Variants in ANKRD44 observed in about 807,000 individuals in gnomAD.
The protein encoded by ANKRD44 is ankyrin repeat domain 44.
ANKRD44 carries 35 observed loss-of-function variants against 116.0 expected under a neutral mutation model. The observed-to-expected ratio is 0.30, with a 90% CI of 0.23 to 0.40. ANKRD44 has a LOEUF of 0.40. Ranked by LOEUF, ANKRD44 falls within the 10% of genes least tolerant of loss-of-function variation. The pLI, the probability that ANKRD44 is intolerant of heterozygous loss-of-function variation, is 1.00. For synonymous variants in ANKRD44, 435 were observed against 461.8 expected (o/e 0.94, Z 0.74); for missense variants, 1,014 against 1,242.6 (o/e 0.82, Z 2.77).
chr2:197,308,483 C>G (rs535019201), intron 1 of ANKRD44, among the ~76,000 whole-genome samples: 1 of 152,082 alleles, frequency 6.6e-6, no homozygotes, highest in East Asian at 1.9e-4. Context: ...TGTTCACCAC[C>G]CCACCCCACC....
intron 12 of ANKRD44, 82 bp from the exon 13 acceptor site, chr2:197,086,830 T>C (rs558358181): frequency 2.3e-6 from 3 of 1,285,528 alleles, no homozygotes; most frequent in South Asian, 1.3e-5. Flanking sequence ...TTCTGCAGAG[T>C]ACAGGACCAG....
intron 1 of ANKRD44, among the ~76,000 whole-genome samples, chr2:197,256,261 A>C (rs188514699): frequency 1.3e-5 from 2 of 152,336 alleles, no homozygotes; most frequent in Admixed American, 1.3e-4. Flanking sequence ...TTTCTAAATC[A>C]CTAGGTGTCT....
chr2:197,310,186 C>T (rs927642220), intron 1 of ANKRD44, among the ~76,000 whole-genome samples: 1 of 152,132 alleles, frequency 6.6e-6, no homozygotes, highest in Non-Finnish European at 1.5e-5. Context: ...TCCTTTCTCC[C>T]TCTTCGTGCA....
intron 1 of ANKRD44, among the ~76,000 whole-genome samples, chr2:197,305,460 T>C (rs2084040507): frequency 6.6e-6 from 1 of 152,246 alleles, no homozygotes; most frequent in Non-Finnish European, 1.5e-5. Flanking sequence ...TACTTTAGCC[T>C]ATAAAAATTC....
Position 197,310,660 on chromosome 2 carries a change from C to A in ANKRD44, c.-56G>T. The A allele has an allele frequency of 1.5e-6, 2 of 1,320,242 alleles. 1 individual carries two copies. The highest frequency in any genetic ancestry group is 3.0e-5 in the South Asian group (2 of 67,386). The allele number at this position is 1,320,242 out of a possible 1,614,324, so 81.8% of individuals were successfully genotyped here. The stretch of plus-strand genomic sequence containing the variant: ...AGGTCCCCGGCCCGCAGATGTCACG[C>A]CGGGAGCCGGGGAAGCGGAAGGGAT... On this transcript the variant is annotated 5_prime_UTR_variant, in exon 1 of 28. Transcript: ENST00000282272.
At chr2:196,997,453 T>TC (rs2076033857) in intron 25 of ANKRD44, among the ~76,000 whole-genome samples, 1 of 1,726 alleles carries the variant, frequency 5.8e-4, no homozygotes, top group South Asian at 0.023. Flanking sequence ...ATAATTTATC[T>TC]TTTTTTTTTT....
intron 2 of ANKRD44, among the ~76,000 whole-genome samples, chr2:197,151,018 A>C (rs1464120562): frequency 6.6e-6 from 1 of 152,052 alleles, no homozygotes. Context: ...TCACATCCCC[A>C]GAGTCTGCCC....
chr2:197,052,948 T>C (rs1317064286), intron 16 of ANKRD44, among the ~76,000 whole-genome samples: 3 of 152,132 alleles, frequency 2.0e-5, no homozygotes, highest in Non-Finnish European at 4.4e-5. Context: ...GGTGGGCAGA[T>C]CACCTGAGGT....
At chr2:197,073,053 G>C (rs1173610524) in intron 16 of ANKRD44, among the ~76,000 whole-genome samples, 1 of 152,134 alleles carries the variant, frequency 6.6e-6, no homozygotes, top group East Asian at 1.9e-4. Flanking sequence ...AAGACTGAGT[G>C]GGTAACGAGA....
At chr2:197,013,011 C>A (rs149713618) in intron 18 of ANKRD44, among the ~76,000 whole-genome samples, 1 of 152,056 alleles carries the variant, frequency 6.6e-6, no homozygotes, top group Non-Finnish European at 1.5e-5. Flanking sequence ...ACTTTTAAAG[C>A]GTCTTGATTT....
chr2:197,177,514 GA>G (rs1431794107), intron 2 of ANKRD44, among the ~76,000 whole-genome samples: 2 of 152,042 alleles, frequency 1.3e-5, no homozygotes, highest in Non-Finnish European at 2.9e-5. Context: ...CAAATACAAT[GA>G]ACACATTTTA....
rs980181604 is a variant in ANKRD44 at position 197,273,055 on chromosome 2, C to T, written c.27+37523G>A. On this transcript the variant is annotated intron_variant, in intron 1 of 27. Transcript: ENST00000282272. The stretch of plus-strand genomic sequence containing the variant: ...GATTTTGCTATTTTCTTTCAGTATT[C>T]AAAGAAGCCAATACAAACTTTTTTT... Among the ~76,000 whole-genome samples the T allele has an allele frequency of 2.2e-4, 33 of 152,124 alleles. 1 individual carries two copies. Among genetic ancestry groups the T allele is most frequent in the Admixed American group, 1.3e-3 (20 of 15,266 alleles).
chr2:196,992,070 T>C (rs2075928266), intron 27 of ANKRD44, among the ~76,000 whole-genome samples: 1 of 152,190 alleles, frequency 6.6e-6, no homozygotes, highest in East Asian at 1.9e-4. Flanking sequence ...CTTGGGGAGG[T>C]AGATTAAGTC....
intron 2 of ANKRD44, among the ~76,000 whole-genome samples, chr2:197,163,759 C>A (rs1286052727): frequency 6.6e-6 from 1 of 152,164 alleles, no homozygotes; most frequent in African/African-American, 2.4e-5. Context: ...TCCCGAGTAG[C>A]TGGGACTACA....
chr2:197,075,734 G>T (rs1237790626), intron 16 of ANKRD44, among the ~76,000 whole-genome samples: 4 of 152,080 alleles, frequency 2.6e-5, no homozygotes, highest in African/African-American at 7.2e-5. Context: ...GTTTATTTTT[G>T]ATTACAGCAA....
intron 1 of ANKRD44, among the ~76,000 whole-genome samples, chr2:197,218,053 A>G (rs2081491538): frequency 6.6e-6 from 1 of 152,222 alleles, no homozygotes; most frequent in Non-Finnish European, 1.5e-5. Flanking sequence ...TGAAAATACT[A>G]GAATAAAATA....
chr2:197,020,484 C>T (rs2076475371), intron 17 of ANKRD44, among the ~76,000 whole-genome samples: 1 of 152,152 alleles, frequency 6.6e-6, no homozygotes, highest in Non-Finnish European at 1.5e-5. Flanking sequence ...TACACTAACA[C>T]TAATGATAGC....
intron 21 of ANKRD44, among the ~76,000 whole-genome samples, chr2:197,004,018 C>A (rs1431051524): frequency 6.6e-6 from 1 of 151,842 alleles, no homozygotes; most frequent in African/African-American, 2.4e-5. Context: ...TTTTGTGGAA[C>A]TATTAATGGT....
chr2:197,085,284 G>A (rs1342230700), intron 13 of ANKRD44, among the ~76,000 whole-genome samples: 3 of 152,072 alleles, frequency 2.0e-5, no homozygotes, highest in African/African-American at 7.2e-5. Context: ...AGAACCTCAC[G>A]ACGGGGCCCA....
Sources: gnomAD v4.1 joint callset for allele counts (sites outside exome capture counted in the v4.1 genomes callset) on GRCh38, gnomAD v4.1.1 for gene constraint, MANE v1.5 for transcripts, NCBI Gene and HGNC (gene_info 2026-07-23, HGNC 2026-07-21) for gene names.